The following ASIC2 variants were observed in gnomAD, a reference collection of about 807,000 sequenced individuals.
ASIC2 encodes acid-sensing ion channel 2.
In ASIC2, 25 loss-of-function variants were observed where a neutral mutation model predicts 57.3. The ratio of observed to expected loss-of-function variants is 0.44; its 90% CI spans 0.32 to 0.61. The LOEUF is 0.61. ASIC2 is among the 20% of genes least tolerant of loss of function. ASIC2 has a pLI of 0.06. For synonymous variants in ASIC2, 319 were observed against 307.5 expected (o/e 1.04, Z -0.39); for missense variants, 641 against 738.1 (o/e 0.87, Z 1.52).
chr17:34,102,092 T>G (rs1338426149), intron 1 of ASIC2, among the ~76,000 whole-genome samples: 2 of 151,956 alleles, frequency 1.3e-5, no homozygotes, highest in Non-Finnish European at 2.9e-5. Context: ...GGTGGATCAC[T>G]GAGGTCAGGA....
chr17:33,225,090 C>T (rs1423150640), intron 1 of ASIC2, among the ~76,000 whole-genome samples: 1 of 152,298 alleles, frequency 6.6e-6, no homozygotes, highest in South Asian at 2.1e-4. Context: ...AACAGGTCAG[C>T]CTTTTTGGGA....
intron 1 of ASIC2, among the ~76,000 whole-genome samples, chr17:33,758,234 A>G (rs1910674200): frequency 6.6e-6 from 1 of 152,178 alleles, no homozygotes; most frequent in South Asian, 2.1e-4. Context: ...GAAGTGTGAT[A>G]CCAATTCTTA....
At chr17:33,494,145 G>A (rs1913853378) in intron 1 of ASIC2, among the ~76,000 whole-genome samples, 2 of 152,302 alleles carry the variant, frequency 1.3e-5, no homozygotes, top group Middle Eastern at 3.4e-3. Flanking sequence ...CAATCACCAG[G>A]AACCACTGCC....
chr17:33,718,264 G>A (rs572793332), intron 1 of ASIC2, among the ~76,000 whole-genome samples: 8 of 152,082 alleles, frequency 5.3e-5, no homozygotes, highest in Non-Finnish European at 1.0e-4. Context: ...TATTTTTTCC[G>A]AATATTTCTG....
rs188631474 is a variant in ASIC2, at chr17:33,481,829, G to A, written c.556-369762C>T. Among the ~76,000 whole-genome samples the A allele has an allele frequency of 1.7e-4, 26 of 152,146 alleles. No homozygotes were observed. The East Asian group carries it at 4.3e-3, about 25-fold the overall frequency. On this transcript the variant is annotated intron_variant, in intron 1 of 9. Coordinates refer to the ASIC2 transcript ENST00000359872. The stretch of plus-strand genomic sequence containing the variant: ...AACGAGCTGCCTCAGCCTTGTCGCC[G>A]CTCCATTACCTCCCATCCATGCCTC...
At chr17:33,489,283 C>T (rs1240506563) in intron 1 of ASIC2, among the ~76,000 whole-genome samples, 1 of 152,168 alleles carries the variant, frequency 6.6e-6, no homozygotes, top group Non-Finnish European at 1.5e-5. Flanking sequence ...GGTCTTACTT[C>T]ATGCTCATGA....
chr17:33,578,953 T>A (rs1175706472), intron 1 of ASIC2, among the ~76,000 whole-genome samples: 1 of 152,264 alleles, frequency 6.6e-6, no homozygotes, highest in Non-Finnish European at 1.5e-5. Flanking sequence ...TGCTGCATCC[T>A]CACCTGGTCC....
intron 3 of ASIC2, among the ~76,000 whole-genome samples, chr17:33,055,662 G>A (rs1464909089): frequency 1.1e-4 from 17 of 152,076 alleles, no homozygotes; most frequent in Non-Finnish European, 1.5e-5. Flanking sequence ...TCAAGTCCAG[G>A]GCTTGGTGTC....
At chr17:34,138,078 C>A (rs535979345) in intron 1 of ASIC2, among the ~76,000 whole-genome samples, 1 of 152,172 alleles carries the variant, frequency 6.6e-6, no homozygotes, top group African/African-American at 2.4e-5. Context: ...GAATACGAAA[C>A]TAACTCCTCC....
At chr17:33,112,261 AAG>A (rs1197374883) in intron 1 of ASIC2, 194 bp from the exon 2 acceptor site, 13 of 692,224 alleles carry the variant, frequency 1.9e-5, no homozygotes, top group Non-Finnish European at 3.0e-5. Flanking sequence ...TTTGGCATCA[AAG>A]AGCAAATCTG....
chr17:33,791,936 T>A (rs1343924359), intron 1 of ASIC2: 2 of 152,068 alleles, frequency 1.3e-5, no homozygotes, highest in African/African-American at 4.8e-5. Flanking sequence ...GCCTCCCGAG[T>A]AGCTGGGACT....
chr17:33,151,392 A>T (rs926821705), intron 1 of ASIC2, among the ~76,000 whole-genome samples: 4 of 151,888 alleles, frequency 2.6e-5, no homozygotes, highest in African/African-American at 9.7e-5. Context: ...AAAAAAGGTT[A>T]AAAAAAGAGT....
chr17:33,568,697 A>G (rs1406398273), intron 1 of ASIC2, among the ~76,000 whole-genome samples: 2 of 152,230 alleles, frequency 1.3e-5, no homozygotes, highest in African/African-American at 4.8e-5. Flanking sequence ...ATACATATAT[A>G]CATACCTATC....
intron 1 of ASIC2, among the ~76,000 whole-genome samples, chr17:33,595,414 C>T (rs570951926): frequency 9.8e-5 from 15 of 152,290 alleles, no homozygotes; most frequent in African/African-American, 3.1e-4. Context: ...GCTGGGAGCC[C>T]GGTTGTTCTA....
At chr17:33,517,937 G>A (rs947172558) in intron 1 of ASIC2, among the ~76,000 whole-genome samples, 3 of 152,216 alleles carry the variant, frequency 2.0e-5, no homozygotes, top group African/African-American at 4.8e-5. Flanking sequence ...AACTACACAA[G>A]GAGGAAGAAC....
chr17:33,192,634 T>C (rs931598800), intron 1 of ASIC2, among the ~76,000 whole-genome samples: 20 of 152,254 alleles, frequency 1.3e-4, no homozygotes, highest in Admixed American at 5.9e-4. Flanking sequence ...GAAGCAACCA[T>C]GGTCAGGCAA....
chr17:33,651,043 T>C (rs897033232), intron 1 of ASIC2, among the ~76,000 whole-genome samples: 1 of 152,236 alleles, frequency 6.6e-6, no homozygotes, highest in African/African-American at 2.4e-5. Flanking sequence ...TAGCTGCATG[T>C]AAATCTAAAA....
At chr17:34,079,873 G>A (rs1909811162) in intron 1 of ASIC2, among the ~76,000 whole-genome samples, 1 of 152,190 alleles carries the variant, frequency 6.6e-6, no homozygotes, top group Non-Finnish European at 1.5e-5. Context: ...AGAGGAGGCT[G>A]CACTTTTCTG....
chr17:33,481,054 C>G (rs1232960502), intron 1 of ASIC2, among the ~76,000 whole-genome samples: 2 of 152,206 alleles, frequency 1.3e-5, no homozygotes, highest in East Asian at 3.8e-4. Flanking sequence ...AGCCACCAAC[C>G]TTTCCTTGTT....
Sources: allele counts gnomAD v4.1 joint callset (sites outside exome capture counted in the v4.1 genomes callset), GRCh38; gene constraint gnomAD v4.1.1; transcripts MANE v1.5; gene names NCBI Gene and HGNC (gene_info 2026-07-23, HGNC 2026-07-21).